The following SHC4 variants were observed in gnomAD, a reference collection of about 807,000 sequenced individuals.
SHC4 encodes the protein SHC adaptor protein 4.
Under a neutral mutation model 69.4 loss-of-function variants are expected in SHC4, and 41 were observed. That is an observed-to-expected ratio of 0.59 (90% CI 0.46 to 0.77). SHC4 has a LOEUF of 0.77. Ranked by LOEUF, SHC4 falls within the 30% of genes least tolerant of loss-of-function variation. The pLI is 0.00. For missense variants in SHC4, 777 were observed against 783.8 expected (o/e 0.99, Z 0.10); for synonymous variants, 318 against 299.3 (o/e 1.06, Z -0.64).
intron 6 of SHC4, among the ~76,000 whole-genome samples, chr15:48,859,174 TAA>T (rs1378270966): frequency 6.6e-6 from 1 of 152,218 alleles, no homozygotes; most frequent in Non-Finnish European, 1.5e-5. Flanking sequence ...CTGATAACAG[TAA>T]GTTATAACAG....
chr15:48,927,174 C>T (rs974805426), intron 1 of SHC4, among the ~76,000 whole-genome samples: 52 of 152,352 alleles, frequency 3.4e-4, no homozygotes, highest in African/African-American at 1.2e-3. Context: ...AGCTCCACGT[C>T]CAGGTGGCAT....
At chr15:48,898,186 C>T (rs576255164) in intron 2 of SHC4, among the ~76,000 whole-genome samples, 1 of 152,270 alleles carries the variant, frequency 6.6e-6, no homozygotes, top group South Asian at 2.1e-4. Context: ...TTTTGTCCAG[C>T]TTAGTGAAAT....
intron 1 of SHC4, among the ~76,000 whole-genome samples, chr15:48,941,708 C>T (rs1278089636): frequency 6.6e-6 from 1 of 152,138 alleles, no homozygotes; most frequent in Non-Finnish European, 1.5e-5. Flanking sequence ...GTTGAAGATA[C>T]AGTTGCCCTT....
intron 1 of SHC4, among the ~76,000 whole-genome samples, chr15:48,927,582 G>A (rs879718101): frequency 2.6e-5 from 4 of 152,056 alleles, no homozygotes; most frequent in Non-Finnish European, 4.4e-5. Flanking sequence ...AAACAATCTC[G>A]TTACTATAAA....
intron 2 of SHC4, among the ~76,000 whole-genome samples, chr15:48,892,104 C>T (rs557021480): frequency 6.6e-6 from 1 of 152,192 alleles, no homozygotes; most frequent in African/African-American, 2.4e-5. Context: ...ATCCGCCCGC[C>T]TCGGCCTCCT....
chr15:48,880,440 G>T (rs536298588), intron 4 of SHC4, among the ~76,000 whole-genome samples: 60 of 152,214 alleles, frequency 3.9e-4, no homozygotes, highest in African/African-American at 1.3e-3. Flanking sequence ...GTGGGTGGGG[G>T]TATGCTAGTG....
chr15:48,926,004 T>A (rs948728630), intron 1 of SHC4, among the ~76,000 whole-genome samples: 3 of 152,124 alleles, frequency 2.0e-5, no homozygotes, highest in African/African-American at 7.2e-5. Context: ...GGAACAGTGA[T>A]GCCATCAACA....
intron 9 of SHC4, among the ~76,000 whole-genome samples, chr15:48,844,656 C>T (rs2140974294): frequency 6.6e-6 from 1 of 152,324 alleles, no homozygotes; most frequent in East Asian, 1.9e-4. Context: ...ACCCAAATCT[C>T]ACCTTGAATT....
chr15:48,884,837 A>C (rs1900005922), intron 3 of SHC4, among the ~76,000 whole-genome samples: 1 of 152,126 alleles, frequency 6.6e-6, no homozygotes, highest in Non-Finnish European at 1.5e-5. Flanking sequence ...CCCTTCCCAG[A>C]GTTAAAAAGT....
At chr15:48,915,279 TCATAC>T (rs945914409) in intron 2 of SHC4, among the ~76,000 whole-genome samples, 2 of 152,232 alleles carry the variant, frequency 1.3e-5, no homozygotes, top group African/African-American at 4.8e-5. Flanking sequence ...CAATTGGCTT[TCATAC>T]CCTCTCTGTC....
intron 2 of SHC4, among the ~76,000 whole-genome samples, chr15:48,914,194 G>A (rs1282480254): frequency 6.6e-6 from 1 of 152,162 alleles, no homozygotes; most frequent in Admixed American, 6.5e-5. Flanking sequence ...TGAGCCTTTC[G>A]CTTGATTGTC....
In SHC4 at chr15:48,931,934, C is replaced by G. The variant is rs530076107; in HGVS notation, c.586-6985G>C. Among the ~76,000 whole-genome samples, 64 of 151,814 alleles carry G rather than the reference C, an allele frequency of 4.2e-4. 1 individual carries two copies. The highest frequency in any genetic ancestry group is 1.4e-3 in the African/African-American group (60 of 41,446). ...ATACTCTGCCCCAGAGAAAGAGTAT[C>G]TCTCCATAAATGCAAACAGAAACAC... On this transcript the variant is annotated intron_variant, in intron 1 of 11. Coordinates refer to ENST00000332408, the MANE Select transcript of SHC4 (RefSeq NM_203349.4).
chr15:48,924,085 G>A (rs188296494), intron 2 of SHC4, among the ~76,000 whole-genome samples: 49 of 152,196 alleles, frequency 3.2e-4, no homozygotes, highest in Non-Finnish European at 4.4e-5. Context: ...TTCTCTACAT[G>A]ACAATATTCA....
chr15:48,941,438 G>A (rs771823990), intron 1 of SHC4, among the ~76,000 whole-genome samples: 2 of 152,146 alleles, frequency 1.3e-5, no homozygotes, highest in African/African-American at 2.4e-5. Context: ...TTTTGTTTTT[G>A]TTTTGAGAAA....
At chr15:48,853,733 T>C (rs1160079100) in intron 8 of SHC4, among the ~76,000 whole-genome samples, 3 of 152,050 alleles carry the variant, frequency 2.0e-5, no homozygotes, top group Non-Finnish European at 4.4e-5. Flanking sequence ...AAATAAGCAA[T>C]AGGGAAAATA....
intron 10 of SHC4, among the ~76,000 whole-genome samples, chr15:48,839,877 C>T (rs34780506): frequency 0.16 from 24,802 of 152,204 alleles, 2,290 homozygotes; most frequent in Non-Finnish European, 0.21. Flanking sequence ...TCTATCCTCC[C>T]TTTCATTACA....
intron 10 of SHC4, among the ~76,000 whole-genome samples, chr15:48,838,718 A>C (rs949291674): frequency 1.3e-5 from 2 of 152,178 alleles, no homozygotes; most frequent in African/African-American, 4.8e-5. Context: ...AAAAAACATA[A>C]TAAAGATCCC....
chr15:48,848,877 A>C (rs1296329263), intron 9 of SHC4, among the ~76,000 whole-genome samples: 1 of 152,180 alleles, frequency 6.6e-6, no homozygotes, highest in East Asian at 1.9e-4. Context: ...GAAAAAGAAG[A>C]AGGGAAACCA....
chr15:48,922,784 G>T (rs1208090713), intron 2 of SHC4, among the ~76,000 whole-genome samples: 1 of 152,138 alleles, frequency 6.6e-6, no homozygotes, highest in Non-Finnish European at 1.5e-5. Context: ...AGGATTGGAA[G>T]AAAAAATGTC....
Sources: gnomAD v4.1 joint callset for allele counts (sites outside exome capture counted in the v4.1 genomes callset) on GRCh38, gnomAD v4.1.1 for gene constraint, MANE v1.5 for transcripts, NCBI Gene and HGNC (gene_info 2026-07-23, HGNC 2026-07-21) for gene names.